The following CAMKMT variants were observed in gnomAD, a reference collection of about 807,000 sequenced individuals.
CAMKMT encodes calmodulin-lysine N-methyltransferase.
A neutral mutation model predicts 48.0 loss-of-function variants in CAMKMT; 53 were observed. The observed-to-expected ratio is 1.10, with a 90% CI of 0.89 to 1.39. The LOEUF is 1.39. Among genes scored for constraint, CAMKMT ranks in the 40% most tolerant of loss-of-function variants. The pLI is 0.00. For missense variants in CAMKMT, 428 were observed against 402.7 expected (o/e 1.06, Z -0.54); for synonymous variants, 165 against 152.3 (o/e 1.08, Z -0.61).
intron 3 of CAMKMT, among the ~76,000 whole-genome samples, chr2:44,411,451 G>T (rs749518135): frequency 6.6e-6 from 1 of 152,246 alleles, no homozygotes; most frequent in Middle Eastern, 3.4e-3. Context: ...TTTGACCTTG[G>T]TCATATGTTA....
At chr2:44,368,811 G>T (rs572040054) in intron 1 of CAMKMT, among the ~76,000 whole-genome samples, 119 of 152,254 alleles carry the variant, frequency 7.8e-4, no homozygotes, top group Middle Eastern at 3.4e-3. Context: ...AGTAAGCTCT[G>T]TTGAGTAGTT....
rs111890126 is a variant in CAMKMT at position 44,565,715 on chromosome 2, A to C, written c.377-138568A>C. 2.0e-3 allele frequency among the ~76,000 whole-genome samples: 305 copies of C among 152,240 alleles called. No homozygotes were observed. In the Middle Eastern group the frequency reaches 0.027, roughly 14 times the overall value. Reference sequence around the variant, plus strand: ...GTCTGGAATTAAAAAAACAAAAAAAAAAACAAAACTCCCCAGGTGATTTTA... The same window carrying C: ...GTCTGGAATTAAAAAAACAAAAAAACAAACAAAACTCCCCAGGTGATTTTA... On this transcript the variant is annotated intron_variant, in intron 3 of 10. Coordinates refer to ENST00000378494, the MANE Select transcript of CAMKMT (RefSeq NM_024766.5).
At chr2:44,386,655 C>T (rs1257588953) in intron 2 of CAMKMT, among the ~76,000 whole-genome samples, 1 of 152,032 alleles carries the variant, frequency 6.6e-6, no homozygotes, top group Non-Finnish European at 1.5e-5. Context: ...GCATTTAGGG[C>T]TATGAACTTT....
chr2:44,743,747 G>A (rs1361688179), intron 8 of CAMKMT, 51 bp downstream of exon 8: 2 of 1,425,048 alleles, frequency 1.4e-6, no homozygotes, highest in African/African-American at 2.8e-5. Context: ...TAGCTTTGCT[G>A]GAGTAATTGG....
At chr2:44,426,312 A>G (rs903273968) in intron 3 of CAMKMT, among the ~76,000 whole-genome samples, 1 of 152,196 alleles carries the variant, frequency 6.6e-6, no homozygotes, top group Non-Finnish European at 1.5e-5. Flanking sequence ...ACTCCTATTC[A>G]ATTTAGTACT....
chr2:44,750,107 A>G (rs578004381), intron 8 of CAMKMT, among the ~76,000 whole-genome samples: 2 of 152,210 alleles, frequency 1.3e-5, no homozygotes, highest in South Asian at 2.1e-4. Context: ...AAATGCTGTT[A>G]TGGGTTAAGA....
chr2:44,407,243 C>T (rs1007538566), intron 3 of CAMKMT, among the ~76,000 whole-genome samples: 2 of 152,144 alleles, frequency 1.3e-5, no homozygotes, highest in Admixed American at 1.3e-4. Context: ...TCACAGCTTT[C>T]AGCAGACTTT....
intron 3 of CAMKMT, among the ~76,000 whole-genome samples, chr2:44,599,439 T>A (rs1319931349): frequency 1.3e-5 from 2 of 152,120 alleles, no homozygotes; most frequent in Non-Finnish European, 2.9e-5. Context: ...ATCCTTTCAA[T>A]GAATGAGCTG....
intron 7 of CAMKMT, among the ~76,000 whole-genome samples, chr2:44,741,910 T>G (rs1462735028): frequency 6.6e-6 from 1 of 152,222 alleles, no homozygotes; most frequent in African/African-American, 2.4e-5. Context: ...GCATATGTAT[T>G]AAAAGCAAAT....
intron 3 of CAMKMT, among the ~76,000 whole-genome samples, chr2:44,576,383 G>T (rs1202113875): frequency 6.6e-6 from 1 of 150,646 alleles, no homozygotes; most frequent in Non-Finnish European, 1.5e-5. Context: ...GGAGAAAGGA[G>T]AAACAGAAGC....
At chr2:44,488,851 G>GTT (rs1669340725) in intron 3 of CAMKMT, among the ~76,000 whole-genome samples, 1 of 142,248 alleles carries the variant, frequency 7.0e-6, no homozygotes, top group Non-Finnish European at 1.6e-5. Flanking sequence ...ATTTGTGTGT[G>GTT]TGTGTGTGTG....
intron 3 of CAMKMT, among the ~76,000 whole-genome samples, chr2:44,523,933 A>G (rs767641204): frequency 4.6e-5 from 7 of 151,272 alleles, no homozygotes; most frequent in Non-Finnish European, 8.8e-5. Flanking sequence ...ATGCACCACC[A>G]TGCCCAGCTA....
intron 3 of CAMKMT, among the ~76,000 whole-genome samples, chr2:44,544,824 TTAAGAC>T (rs896311831): frequency 1.3e-5 from 2 of 152,192 alleles, no homozygotes; most frequent in African/African-American, 4.8e-5. Context: ...AATTTAGACT[TTAAGAC>T]TAAAGAATAG....
intron 3 of CAMKMT, among the ~76,000 whole-genome samples, chr2:44,471,806 G>A (rs1456830296): frequency 1.3e-5 from 2 of 151,902 alleles, no homozygotes; most frequent in Admixed American, 6.6e-5. Context: ...TCAGCCTCCC[G>A]TGTGGCTGAG....
At chr2:44,490,751 G>T (rs745878363) in intron 3 of CAMKMT, among the ~76,000 whole-genome samples, 3 of 152,066 alleles carry the variant, frequency 2.0e-5, no homozygotes, top group Non-Finnish European at 2.9e-5. Flanking sequence ...AATTCAATAA[G>T]ATCTAAATTC....
At chr2:44,755,893 G>A (rs563010292) in intron 9 of CAMKMT, among the ~76,000 whole-genome samples, 1 of 152,286 alleles carries the variant, frequency 6.6e-6, no homozygotes, top group African/African-American at 2.4e-5. Context: ...GGAACAGGGA[G>A]GCCAAGTCAG....
At chr2:44,549,718 C>T (rs1028841174) in intron 3 of CAMKMT, 15 of 520,664 alleles carry the variant, frequency 2.9e-5, no homozygotes, top group Middle Eastern at 2.8e-4. Context: ...TCCCCAAAGT[C>T]TCAGACTTCA....
At chr2:44,632,423 C>G (rs567030150) in intron 3 of CAMKMT, among the ~76,000 whole-genome samples, 2 of 151,950 alleles carry the variant, frequency 1.3e-5, no homozygotes, top group African/African-American at 4.8e-5. Flanking sequence ...TAAATTTCAT[C>G]GTATGTATTT....
At chr2:44,738,780 T>C (rs1679504509) in intron 7 of CAMKMT, among the ~76,000 whole-genome samples, 1 of 151,566 alleles carries the variant, frequency 6.6e-6, no homozygotes, top group Admixed American at 6.6e-5. Flanking sequence ...GATAAGGGGG[T>C]TTTAGAAGTG....
Sources: gnomAD v4.1 joint callset for allele counts (sites outside exome capture counted in the v4.1 genomes callset) on GRCh38, gnomAD v4.1.1 for gene constraint, MANE v1.5 for transcripts, NCBI Gene and HGNC (gene_info 2026-07-23, HGNC 2026-07-21) for gene names.